PRDM15: variants seen among roughly 807,000 people sequenced by gnomAD.
PRDM15 encodes PR domain zinc finger protein 15.
PRDM15 carries 64 observed loss-of-function variants against 128.6 expected under a neutral mutation model. That is an observed-to-expected ratio of 0.50 (90% CI 0.41 to 0.61). The LOEUF is 0.61. PRDM15 is among the 20% of genes least tolerant of loss of function. The probability of loss-of-function intolerance (pLI) is 0.00; values close to 1 mark genes in which losing one functional copy is unlikely to be tolerated. For synonymous variants in PRDM15, 615 were observed against 621.8 expected, an observed-to-expected ratio of 0.99 and a Z score of 0.16; for missense variants, 1,242 against 1,569.1, an observed-to-expected ratio of 0.79 and a Z score of 3.52.
rs114643770 is a variant in PRDM15 at position 41,828,007 on chromosome 21, A to G, written c.1534+159T>C. On this transcript the variant is annotated intron_variant, in intron 12 of 23. Coordinates refer to ENST00000398548, the MANE Select transcript of PRDM15 (RefSeq NM_001040424.3). The surrounding 1 kb of genome is among the most constrained non-coding windows in gnomAD (Gnocchi z 5.7). ...ACTTACTCTCCTGAGACAGGTTCTC[A>G]GAAGAGGATGAGCCCATCGGATGGC... Among the ~76,000 whole-genome samples the G allele has an allele frequency of 0.011, 1,687 of 152,284 alleles. 29 individuals are homozygous for G. The highest frequency in any genetic ancestry group is 0.038 in the African/African-American group (1,576 of 41,568).
At chr21:41,830,809 C>T (rs2146511467) in intron 11 of PRDM15, among the ~76,000 whole-genome samples, 1 of 152,342 alleles carries the variant, frequency 6.6e-6, no homozygotes, top group Non-Finnish European at 1.5e-5. Flanking sequence ...GGAAGGTAGC[C>T]AGTCAAACTG....
At chr21:41,875,311 G>A (rs1411181702) in intron 1 of PRDM15, among the ~76,000 whole-genome samples, 6 of 152,264 alleles carry the variant, frequency 3.9e-5, no homozygotes, top group Non-Finnish European at 8.8e-5. Flanking sequence ...CGGCATCCTG[G>A]CGGCCCCTCG....
Position 41,801,474 on chromosome 21 carries a change from G to A in PRDM15, c.3192C>T (p.His1064=). The change falls in exon 24 of 24, where the codon CAC becomes CAT. Residue 1064 remains histidine (H), a synonymous_variant. Coordinates refer to ENST00000398548, the MANE Select transcript of PRDM15 (RefSeq NM_001040424.3). ...GTGGGTTCGAGGCTTCCGGCTGGGG[G>A]TGGATCTGGACGTCATTTTGGCGGT... ...LHNRQNDVQI[H]PQPEASNPQS... The A allele has an allele frequency of 6.2e-7, 1 of 1,614,208 alleles. No individual in the cohort carries two copies. The highest frequency in any genetic ancestry group is 1.7e-5 in the Admixed American group (1 of 60,032).
chr21:41,830,212 C>T (rs1392583254), intron 11 of PRDM15, among the ~76,000 whole-genome samples: 2 of 149,228 alleles, frequency 1.3e-5, no homozygotes, highest in South Asian at 2.2e-4. Flanking sequence ...ACATTCAACA[C>T]AAACCACAAT....
Position 41,859,351 on chromosome 21 carries a change from CT to C in PRDM15, c.131+240del. The C allele has an allele frequency of 1.1e-6, 1 of 937,590 alleles. No homozygotes were observed. Among genetic ancestry groups the C allele is most frequent in the Non-Finnish European group, 1.6e-6 (1 of 615,840 alleles). The allele number at this position is 937,590 out of a possible 1,614,324, so 58.1% of individuals were successfully genotyped here. On this transcript the variant is annotated intron_variant, in intron 3 of 23. Coordinates refer to ENST00000398548, the MANE Select transcript of PRDM15 (RefSeq NM_001040424.3). The surrounding 1 kb of genome is among the most constrained non-coding windows in gnomAD (Gnocchi z 5.3). ...ACACACTGTGTCGGGAACAGCTGGG[CT>C]CCAGCTAAGAACCCTGGAGTGGATC... is the stretch of plus-strand genomic sequence containing the variant.
At chr21:41,820,697 T>TA (rs1229336001) in intron 16 of PRDM15, among the ~76,000 whole-genome samples, 2 of 152,220 alleles carry the variant, frequency 1.3e-5, no homozygotes, top group Non-Finnish European at 2.9e-5. Context: ...CGGGACTGTT[T>TA]AGTCACTCAC....
At chr21:41,878,723 TG>T in intron 1 of PRDM15, 1 of 1,571,644 alleles carries the variant, frequency 6.4e-7, no homozygotes, top group Non-Finnish European at 8.6e-7. Flanking sequence ...AACGCGGGGT[TG>T]GGGGTCCAGG....
chr21:41,856,885 T>C (rs1049935691), intron 4 of PRDM15, among the ~76,000 whole-genome samples: 19 of 152,262 alleles, frequency 1.2e-4, no homozygotes, highest in Non-Finnish European at 1.6e-4. Flanking sequence ...GCGACAGCAA[T>C]GGAGGTCGTA....
intron 6 of PRDM15, among the ~76,000 whole-genome samples, chr21:41,845,781 CT>C (rs2063246042): frequency 6.6e-6 from 1 of 152,076 alleles, no homozygotes; most frequent in East Asian, 1.9e-4. Flanking sequence ...GAAGGAATTT[CT>C]TTTTTCTTCA....
In PRDM15 at chr21:41,801,048, A is replaced by C; in HGVS notation, c.*192T>G. The C allele has an allele frequency of 4.1e-6, 3 of 726,132 alleles. No individual in the cohort carries two copies. The highest frequency in any genetic ancestry group is 6.4e-6 in the Non-Finnish European group (3 of 469,802). 45.0% of individuals were successfully genotyped at this position (726,132 alleles called of 1,614,324 possible). The stretch of plus-strand genomic sequence containing the variant: ...ATCCAGTTTAAAACTCTGGCCTGCC[A>C]GAGGTCCCTTCTAGAGTTAAGCTGA... On this transcript the variant is annotated 3_prime_UTR_variant, in exon 24 of 24. Coordinates refer to ENST00000398548, the MANE Select transcript of PRDM15 (RefSeq NM_001040424.3).
At chr21:41,826,868 T>C (rs1174632096) in intron 12 of PRDM15, among the ~76,000 whole-genome samples, 3 of 152,162 alleles carry the variant, frequency 2.0e-5, no homozygotes, top group Non-Finnish European at 4.4e-5. Context: ...AACATGAGTT[T>C]ACTCCCACAG....
chr21:41,820,099 G>A lies in PRDM15; in HGVS notation c.2136C>T (p.His712=). ...CAAATGCTGACAGACACGCACCTGTGTGGATGAGCTTGTGGCGCTCCAGGT... is the reference window on the plus strand; with the variant it reads ...CAAATGCTGACAGACACGCACCTGTATGGATGAGCTTGTGGCGCTCCAGGT... ...IGNLERHKLI[H]TGVKSHACEQ... The change falls in exon 17 of 24, where the codon CAC becomes CAT. Residue 712 remains histidine (H), a synonymous_variant. Transcript: ENST00000398548. The A allele has an allele frequency of 1.2e-6, 2 of 1,613,748 alleles. No individual in the cohort carries two copies. The highest frequency in any genetic ancestry group is 1.7e-6 in the Non-Finnish European group (2 of 1,179,740).
At position 41,879,194 on chromosome 21, in the gene PRDM15, G is replaced by C. The variant is rs1264577531; in HGVS notation, c.-10+76C>G. 3 of 791,832 alleles carry C rather than the reference G, an allele frequency of 3.8e-6. No homozygotes were observed. Among genetic ancestry groups the C allele is most frequent in the African/African-American group, 3.8e-5 (2 of 52,260 alleles). 49.1% of individuals were successfully genotyped at this position (791,832 alleles called of 1,614,324 possible). On this transcript the variant is annotated intron_variant, in intron 1 of 23. Transcript: ENST00000398548. The surrounding 1 kb of genome is among the most constrained non-coding windows in gnomAD (Gnocchi z 5.1). ...GGGCCCAGGGCGCGCCGGGGCTCGC[G>C]GGGGCAGCGGGTGCGGCCCGGGGCC... is the stretch of plus-strand genomic sequence containing the variant.
At chr21:41,830,879 TCA>T (rs1267615271) in intron 11 of PRDM15, among the ~76,000 whole-genome samples, 2 of 152,236 alleles carry the variant, frequency 1.3e-5, no homozygotes, top group African/African-American at 4.8e-5. Flanking sequence ...CCTCTGACTC[TCA>T]CACAGGCACC....
In PRDM15 at chr21:41,832,458, G is replaced by A. The variant is rs1298428564; in HGVS notation, c.1366+2979C>T. On this transcript the variant is annotated intron_variant, in intron 11 of 23. Coordinates refer to ENST00000398548, the MANE Select transcript of PRDM15 (RefSeq NM_001040424.3). The surrounding 1 kb of genome is among the most constrained non-coding windows in gnomAD (Gnocchi z 4.2). ...ACCACAGGCCACACCTTACAGCACTGTGGCATCAGATCACCACAGGCCACA... is the reference window on the plus strand; with the variant it reads ...ACCACAGGCCACACCTTACAGCACTATGGCATCAGATCACCACAGGCCACA... 6.6e-6 allele frequency among the ~76,000 whole-genome samples: 1 copy of A among 151,794 alleles called. No individual in the cohort carries two copies. The highest frequency in any genetic ancestry group is 1.5e-5 in the Non-Finnish European group (1 of 67,994).
chr21:41,869,827 G>A (rs13046685), intron 1 of PRDM15, among the ~76,000 whole-genome samples: 20,357 of 152,288 alleles, frequency 0.13, 1,821 homozygotes, highest in Non-Finnish European at 0.2. Flanking sequence ...AGAGGCTGAG[G>A]CTGAGGTCCA....
intron 4 of PRDM15, among the ~76,000 whole-genome samples, chr21:41,856,010 TTTCCTTCCC>T (rs1455525673): frequency 0.016 from 67 of 4,080 alleles, 1 homozygote; most frequent in Middle Eastern, 0.5. Flanking sequence ...CCTTCCTTCC[TTTCCTTCCC>T]TCCCTCCCTC....
chr21:41,815,475 G>C lies in PRDM15; in HGVS notation c.2392+230C>G, dbSNP rs550905457. Among the ~76,000 whole-genome samples the C allele has an allele frequency of 3.9e-5, 6 of 152,334 alleles. No individual in the cohort carries two copies. In the East Asian group the frequency reaches 1.2e-3, roughly 29 times the overall value. On this transcript the variant is annotated intron_variant, in intron 19 of 23. Transcript: ENST00000398548. ...AAGACTGACCAGTCTCCCAATGCCG[G>C]AAGTGAGCTGTGCAGCATGCTCTCC... is the stretch of plus-strand genomic sequence containing the variant.
rs1329194764 is a variant in PRDM15 at position 41,801,639 on chromosome 21, G to C, written c.3027C>G (p.Thr1009=). 1 of 1,614,198 alleles carries C rather than the reference G, an allele frequency of 6.2e-7. No homozygotes were observed. Among genetic ancestry groups the C allele is most frequent in the Admixed American group, 1.7e-5 (1 of 60,024 alleles). The stretch of plus-strand genomic sequence containing the variant: ...TGGTAAACTGAGTCGCGGCCGCAGT[G>C]GTGATGGGGGTCACGGTGATGTTGG... ...GLTNITVTPI[T]TAAATQFTNL... is the part of the protein sequence containing the mutation. Residue 1009 remains threonine (T), a synonymous_variant, in exon 24 of 24, where the codon ACC becomes ACG. Transcript: ENST00000398548.
Sources: gnomAD v4.1 joint callset for allele counts (sites outside exome capture counted in the v4.1 genomes callset) on GRCh38, gnomAD v4.1.1 for gene constraint, Gnocchi (gnomAD v3.1) non-coding constraint, MANE v1.5 for transcripts, NCBI Gene and HGNC (gene_info 2026-07-23, HGNC 2026-07-21) for gene names.